The following CAPN3 variants were observed in gnomAD, a reference collection of about 807,000 sequenced individuals.
CAPN3 encodes calpain-3.
A neutral mutation model predicts 114.0 loss-of-function variants in CAPN3; 88 were observed. The observed-to-expected ratio is 0.77, with a 90% CI of 0.65 to 0.92. The LOEUF is 0.92. Among genes scored for constraint, CAPN3 ranks in the 40% least tolerant of loss-of-function variants. The probability of loss-of-function intolerance (pLI) is 0.00; values close to 1 mark genes in which losing one functional copy is unlikely to be tolerated. For missense variants in CAPN3, 1,028 were observed against 1,069.0 expected (o/e 0.96, Z 0.53); for synonymous variants, 386 against 382.9 (o/e 1.01, Z -0.09).
At chr15:42,407,080 C>T (rs1489300671) in intron 15 of CAPN3, among the ~76,000 whole-genome samples, 2 of 152,050 alleles carry the variant, frequency 1.3e-5, no homozygotes, top group Non-Finnish European at 2.9e-5. Flanking sequence ...ACAGCCTTGC[C>T]TTCCCCCGGC....
At chr15:42,367,975 A>G (rs1336454942) in intron 1 of CAPN3, among the ~76,000 whole-genome samples, 1 of 152,152 alleles carries the variant, frequency 6.6e-6, no homozygotes, top group African/African-American at 2.4e-5. Flanking sequence ...TCCCTCTTTT[A>G]GTTAATTCAG....
Position 42,408,372 on chromosome 15 carries a change from C to T in CAPN3, c.1914+48C>T, listed in dbSNP as rs756657163. The T allele has an allele frequency of 3.4e-6, 4 of 1,170,242 alleles. No homozygotes were observed. The African/African-American group carries it at 4.5e-5, about 13-fold the overall frequency. 72.5% of individuals were successfully genotyped at this position (1,170,242 alleles called of 1,614,324 possible). ...TGGGGTGGCCAGCACGCTACAGGGG[C>T]TTCCTATGCGCTTGGGATACACAGG... On this transcript the variant is annotated intron_variant, in intron 16 of 23. Transcript: ENST00000397163.
chr15:42,411,120 T>G, intron 22 of CAPN3, 120 bp downstream of exon 22: 1 of 1,042,520 alleles, frequency 9.6e-7, no homozygotes, highest in Non-Finnish European at 1.5e-6. Flanking sequence ...ATGACCTCTT[T>G]AGGCCCAGAA....
At chr15:42,402,376 C>T in intron 12 of CAPN3, 2 of 1,454,532 alleles carry the variant, frequency 1.4e-6, no homozygotes, top group Non-Finnish European at 1.8e-6. Flanking sequence ...CACACACATG[C>T]CTTTGCACAC....
chr15:42,374,946 C>A (rs189407899), intron 1 of CAPN3, among the ~76,000 whole-genome samples: 3 of 149,460 alleles, frequency 2.0e-5, no homozygotes, highest in Admixed American at 2.0e-4. Flanking sequence ...TAGCTGGGAC[C>A]CCAGGCATGT....
chr15:42,385,772 A>AAG (rs1171580573), intron 2 of CAPN3: 1 of 526,420 alleles, frequency 1.9e-6, no homozygotes, highest in Non-Finnish European at 3.8e-6. Context: ...CTGAAGTCAG[A>AAG]AGAGGAATTG....
Position 42,411,290 on chromosome 15 carries a change from C to G in CAPN3, c.2384C>G (p.Ala795Gly), listed in dbSNP as rs762967335. 3.1e-6 allele frequency: 5 copies of G among 1,613,920 alleles called. No individual in the cohort carries two copies. The highest frequency in any genetic ancestry group is 1.1e-5 in the South Asian group (1 of 91,086). ...TGGCCTGTGCATTCTTTCACAGGAG[C>G]TTTTCATGCATTTGACAAGGATGGA... ...CFVRLEGMFR[A>G]FHAFDKDGDG... is the part of the protein sequence containing the mutation. The change falls in exon 23 of 24, where the codon GCT becomes GGT. Residue 795 changes from alanine to glycine, a missense_variant. Physicochemically the swap from Ala to Gly is moderately conservative, Grantham distance 60 (BLOSUM62 0). Coordinates refer to ENST00000397163, the MANE Select transcript of CAPN3 (RefSeq NM_000070.3).
Position 42,409,998 on chromosome 15 carries a change from A to G in CAPN3, c.2115+3A>G, listed in dbSNP as rs2054158884. On this transcript the variant is annotated splice_donor_region_variant and intron_variant, in intron 19 of 23. Transcript: ENST00000397163. ...GTAGCATGATTGCGCTCATGGATGT[A>G]TCCTTCCTGCCGCCCCTTCCCGACC... is the stretch of plus-strand genomic sequence containing the variant. 6.2e-7 allele frequency: 1 copy of G among 1,611,604 alleles called. No individual in the cohort carries two copies.
At position 42,389,019 on chromosome 15, in the gene CAPN3, A is replaced by G; in HGVS notation, c.724A>G (p.Arg242Gly). 6.2e-7 allele frequency: 1 copy of G among 1,614,108 alleles called. No individual in the cohort carries two copies. Among genetic ancestry groups the G allele is most frequent in the Non-Finnish European group, 8.5e-7 (1 of 1,180,012 alleles). ...TGGVAEFFEI[R>G]DAPSDMYKIM... ...AGGGGTGGCAGAGTTTTTTGAGATC[A>G]GGGATGCTCCTAGTGACATGTACAA... The change falls in exon 5 of 24, where the codon AGG (arginine) becomes GGG (glycine). Residue 242 changes from arginine (R) to glycine (G), a missense_variant. Arg to Gly is a moderately radical substitution (Grantham distance 125). Transcript: ENST00000397163.
At position 42,379,977 on chromosome 15, in the gene CAPN3, A is replaced by G. The variant is rs145736785; in HGVS notation, c.310-4506A>G. Among the ~76,000 whole-genome samples, 1,328 of 152,318 alleles carry G rather than the reference A, an allele frequency of 8.7e-3. 18 individuals carry two copies. Among genetic ancestry groups the G allele is most frequent in the African/African-American group, 0.03 (1,266 of 41,576 alleles). ...ACTAAAAATACAAAATTAGCCGAGC[A>G]TGATGGTGCATGCTTGTAATCGCAG... On this transcript the variant is annotated intron_variant, in intron 1 of 23. Transcript: ENST00000397163.
At chr15:42,371,360 C>T (rs2052943266) in intron 1 of CAPN3, among the ~76,000 whole-genome samples, 1 of 152,164 alleles carries the variant, frequency 6.6e-6, no homozygotes, top group Admixed American at 6.5e-5. Context: ...ATTAAAGTGA[C>T]TCAGCAGTTT....
chr15:42,400,702 C>T (rs1566979887), intron 10 of CAPN3, among the ~76,000 whole-genome samples: 1 of 151,522 alleles, frequency 6.6e-6, no homozygotes, highest in African/African-American at 2.4e-5. Context: ...AAAAGACACA[C>T]AAGAGAAAAA....
At chr15:42,406,102 A>G (rs2054012539) in intron 15 of CAPN3, among the ~76,000 whole-genome samples, 159 bp downstream of exon 15, 1 of 152,100 alleles carries the variant, frequency 6.6e-6, no homozygotes, top group South Asian at 2.1e-4. Flanking sequence ...GCGTGCAGTA[A>G]TGACAACTAC....
intron 2 of CAPN3, 62 bp from the exon 3 acceptor site, chr15:42,386,105 G>T: frequency 1.7e-6 from 2 of 1,179,084 alleles, no homozygotes; most frequent in Non-Finnish European, 2.5e-6. Context: ...GCTGGGATTG[G>T]GGCTTTTTCT....
chr15:42,399,771 C>T (rs1215504336), intron 10 of CAPN3, 119 bp downstream of exon 10: 3 of 890,776 alleles, frequency 3.4e-6, no homozygotes, highest in Non-Finnish European at 5.0e-6. Context: ...TTAAACCTTC[C>T]CTGTTTTACT....
Position 42,411,000 on chromosome 15 carries a change from A to G in CAPN3, c.2380A>G (p.Arg794Gly), listed in dbSNP as rs2054206966. ...CTTCGTTAGGCTGGAGGGCATGTTC[A>G]GTAAGTGGGAGAGGGGGGCTGCCCT... is the stretch of plus-strand genomic sequence containing the variant. ...CCFVRLEGMF[R>G]AFHAFDKDGD... The change falls in exon 22 of 24, where the codon AGA becomes GGA. Residue 794 changes from arginine (R) to glycine (G), a missense_variant and splice_region_variant. Physicochemically the swap from Arg to Gly is moderately radical, Grantham distance 125 (BLOSUM62 -2). Transcript: ENST00000397163. The G allele has an allele frequency of 6.2e-7, 1 of 1,607,826 alleles. No homozygotes were observed. The highest frequency in any genetic ancestry group is 8.5e-7 in the Non-Finnish European group (1 of 1,174,334).
intron 1 of CAPN3, among the ~76,000 whole-genome samples, chr15:42,382,706 C>T (rs1441273965): frequency 6.6e-6 from 1 of 152,062 alleles, no homozygotes; most frequent in African/African-American, 2.4e-5. Flanking sequence ...TTCTTAGTAT[C>T]TTCATAACAT....
Position 42,411,338 on chromosome 15 carries a change from T to C in CAPN3, c.2432T>C (p.Val811Ala). The change falls in exon 23 of 24, where the codon GTT becomes GCT. Residue 811 changes from valine to alanine, a missense_variant. Transcript: ENST00000397163. ...GGAGATGGTATCATCAAGCTCAACG[T>C]TCTGGAGGTAAAGCATAGGCACAGC... ...KDGDGIIKLNVLEWLQLTMYA is the reference protein window; with the variant it reads ...KDGDGIIKLNALEWLQLTMYA The C allele has an allele frequency of 1.2e-6, 2 of 1,613,892 alleles. No individual in the cohort carries two copies. Among genetic ancestry groups the C allele is most frequent in the Non-Finnish European group, 1.7e-6 (2 of 1,179,868 alleles).
chr15:42,384,582 C>T (rs756686871), intron 2 of CAPN3, 30 bp downstream of exon 2: 4 of 1,510,720 alleles, frequency 2.6e-6, no homozygotes, highest in South Asian at 2.2e-5. Flanking sequence ...CAGATCCTGC[C>T]AGATGATCAA....
Sources: allele counts gnomAD v4.1 joint callset (sites outside exome capture counted in the v4.1 genomes callset), GRCh38; gene constraint gnomAD v4.1.1; transcripts MANE v1.5; gene names NCBI Gene and HGNC (gene_info 2026-07-23, HGNC 2026-07-21).